Variants in TGIF2 observed in about 807,000 individuals in gnomAD.
The protein encoded by TGIF2 is homeobox protein TGIF2.
A neutral mutation model predicts 15.1 loss-of-function variants in TGIF2; 5 were observed. The observed-to-expected ratio is 0.33, with a 90% CI of 0.17 to 0.70. The LOEUF is 0.70. Among genes scored for constraint, TGIF2 ranks in the 30% least tolerant of loss-of-function variants. The pLI, the probability that TGIF2 is intolerant of heterozygous loss-of-function variation, is 0.67. For synonymous variants in TGIF2, 131 were observed against 128.9 expected, an observed-to-expected ratio of 1.02 and a Z score of -0.11; for missense variants, 264 against 302.5, an observed-to-expected ratio of 0.87 and a Z score of 0.94.
intron 2 of TGIF2, among the ~76,000 whole-genome samples, chr20:36,580,422 C>T (rs2038519473): frequency 6.6e-6 from 1 of 152,166 alleles, no homozygotes; most frequent in African/African-American, 2.4e-5. Context: ...AGGTCACTGC[C>T]TTCTCTGTGA....
At chr20:36,579,903 C>T (rs1600771241) in intron 2 of TGIF2, among the ~76,000 whole-genome samples, 1 of 152,228 alleles carries the variant, frequency 6.6e-6, no homozygotes, top group East Asian at 1.9e-4. Context: ...GTGCAAAGTA[C>T]TGTCCCCTTT....
chr20:36,586,700 C>CT lies in TGIF2; in HGVS notation c.193-4210_193-4209insT, dbSNP rs386393699. ...AAGAAGTGAGACTCCATTTCCCCCC[C>CT]CCCAAAAAAAAAAATCTCCCCTAAG... is the stretch of plus-strand genomic sequence containing the variant. On this transcript the variant is annotated intron_variant, in intron 2 of 2. Coordinates refer to ENST00000373872, the MANE Select transcript of TGIF2 (RefSeq NM_021809.7). Among the ~76,000 whole-genome samples the CT allele has an allele frequency of 6.8e-5, 10 of 146,894 alleles. 1 individual carries two copies. The highest frequency in any genetic ancestry group is 2.7e-4 in the Admixed American group (4 of 14,906).
Position 36,591,558 on chromosome 20 carries a change from GTCTTCAACAGGA to G in TGIF2, c.*128_*139del. 1.8e-6 allele frequency: 2 copies of G among 1,094,082 alleles called. No individual in the cohort carries two copies. The highest frequency in any genetic ancestry group is 2.6e-6 in the Non-Finnish European group (2 of 764,458). The allele number at this position is 1,094,082 out of a possible 1,614,324, so 67.8% of individuals were successfully genotyped here. On this transcript the variant is annotated 3_prime_UTR_variant, in exon 3 of 3. Coordinates refer to ENST00000373872, the MANE Select transcript of TGIF2 (RefSeq NM_021809.7). This position sits in a 1 kb window ranked among gnomAD's most constrained non-coding sequence, Gnocchi z 5.3. ...TTGGGATCATCTCCTCTGTCCAGAGGTCTTCAACAGGAAGATGCCAGCTGGCACCACTGCACT... is the reference window on the plus strand; with the variant it reads ...TTGGGATCATCTCCTCTGTCCAGAGGAGATGCCAGCTGGCACCACTGCACT...
At position 36,587,291 on chromosome 20, in the gene TGIF2, G is replaced by T. The variant is rs77009052; in HGVS notation, c.193-3619G>T. 6.0e-4 allele frequency among the ~76,000 whole-genome samples: 91 copies of T among 152,342 alleles called. No individual in the cohort carries two copies. In the East Asian group the frequency reaches 0.016, roughly 27 times the overall value. On this transcript the variant is annotated intron_variant, in intron 2 of 2. Transcript: ENST00000373872. ...GGACAGGACAGTCTTGTGGGGGAGT[G>T]TGTGGAGGGGTGTTTTTCTGTTCTT... is the stretch of plus-strand genomic sequence containing the variant.
chr20:36,580,986 G>C (rs2038534532), intron 2 of TGIF2, among the ~76,000 whole-genome samples: 1 of 151,992 alleles, frequency 6.6e-6, no homozygotes, highest in Admixed American at 6.6e-5. Flanking sequence ...AAATTGCCAG[G>C]TGTGGTGGTG....
At chr20:36,574,450 G>C (rs917094407) in intron 1 of TGIF2, 3 of 148,970 alleles carry the variant, frequency 2.0e-5, no homozygotes, top group Non-Finnish European at 4.5e-5. Flanking sequence ...GGGGGGGGGG[G>C]GGCGGCGCGG....
rs1173400849 is a variant in TGIF2 at position 36,573,625 on chromosome 20, C to G, written c.-155C>G. On this transcript the variant is annotated 5_prime_UTR_variant, in exon 1 of 3. Coordinates refer to ENST00000373872, the MANE Select transcript of TGIF2 (RefSeq NM_021809.7). ...CCGCGAGGTGCTTTCCAGCCGCGAGCTGTCAGGCCGAGTGTCAGGCCGGGC... is the reference window on the plus strand; with the variant it reads ...CCGCGAGGTGCTTTCCAGCCGCGAGGTGTCAGGCCGAGTGTCAGGCCGGGC... 1 of 151,356 alleles carries G rather than the reference C, an allele frequency of 6.6e-6. No homozygotes were observed. The highest frequency in any genetic ancestry group is 1.5e-5 in the Non-Finnish European group (1 of 67,792). The allele number at this position is 151,356 out of a possible 1,614,324, so 9.4% of individuals were successfully genotyped here.
At chr20:36,583,181 A>G (rs1169526965) in intron 2 of TGIF2, among the ~76,000 whole-genome samples, 1 of 151,998 alleles carries the variant, frequency 6.6e-6, no homozygotes, top group Non-Finnish European at 1.5e-5. Context: ...TCAGGAGGCT[A>G]AGGTACAAGA....
intron 1 of TGIF2, among the ~76,000 whole-genome samples, chr20:36,577,193 TA>T (rs1416423502): frequency 1.3e-5 from 2 of 151,826 alleles, no homozygotes; most frequent in African/African-American, 2.4e-5. Context: ...TATTTTATTT[TA>T]TTTTTTTATT....
chr20:36,590,863 G>A (rs1460362132), intron 2 of TGIF2, 47 bp from the exon 3 acceptor site: 3 of 1,497,896 alleles, frequency 2.0e-6, no homozygotes, highest in East Asian at 4.6e-5. Context: ...CCAGCCCATA[G>A]CTGTTTTAGA....
intron 2 of TGIF2, among the ~76,000 whole-genome samples, chr20:36,583,141 A>G (rs1031453845): frequency 1.3e-5 from 2 of 151,908 alleles, no homozygotes. Flanking sequence ...ATAGCCGGGC[A>G]TGGTGGTACA....
chr20:36,585,973 C>T (rs781126986), intron 2 of TGIF2, among the ~76,000 whole-genome samples: 3 of 152,182 alleles, frequency 2.0e-5, no homozygotes, highest in East Asian at 1.9e-4. Context: ...AAGCCCATAC[C>T]GGGGCAGGGG....
chr20:36,583,958 T>C (rs1409224323), intron 2 of TGIF2, among the ~76,000 whole-genome samples: 4 of 152,102 alleles, frequency 2.6e-5, no homozygotes, highest in Non-Finnish European at 5.9e-5. Flanking sequence ...TCCCAGCTAC[T>C]TAGGAGGCTG....
In TGIF2 at chr20:36,592,060, T is replaced by G. The variant is rs1423887216; in HGVS notation, c.*629T>G. The G allele has an allele frequency of 6.6e-6, 1 of 152,494 alleles. No homozygotes were observed. The highest frequency in any genetic ancestry group is 1.5e-5 in the Non-Finnish European group (1 of 68,042). 9.4% of individuals were successfully genotyped at this position (152,494 alleles called of 1,614,324 possible). On this transcript the variant is annotated 3_prime_UTR_variant, in exon 3 of 3. Coordinates refer to ENST00000373872, the MANE Select transcript of TGIF2 (RefSeq NM_021809.7). The stretch of plus-strand genomic sequence containing the variant: ...CCACCACTGCCACTGAGGATTGTTT[T>G]GGAAGAAAGGAATATTTTTATCTTG...
At chr20:36,582,639 T>TCCA (rs1258108413) in intron 2 of TGIF2, among the ~76,000 whole-genome samples, 1 of 152,124 alleles carries the variant, frequency 6.6e-6, no homozygotes, top group African/African-American at 2.4e-5. Flanking sequence ...AGGTGACACA[T>TCCA]CCACAGGTCC....
chr20:36,588,355 C>CTTT lies in TGIF2; in HGVS notation c.193-2529_193-2527dup, dbSNP rs397802665. Among the ~76,000 whole-genome samples the CTTT allele has an allele frequency of 1.3e-3, 76 of 60,432 alleles. 3 individuals carry two copies. Among genetic ancestry groups the CTTT allele is most frequent in the Middle Eastern group, 0.014 (1 of 70 alleles). The allele number at this position is 60,432 out of a possible 152,430, so 39.6% of individuals were successfully genotyped here. A position where few individuals can be genotyped will look rare whatever the true frequency, so the allele number is the denominator to read the frequency against. ...CCACCTAGCTGTTGAGCCCTTCCTT[C>CTTT]TTTTTTTTTTTTTTTTTTTTTTTTT... On this transcript the variant is annotated intron_variant, in intron 2 of 2. Transcript: ENST00000373872.
intron 2 of TGIF2, among the ~76,000 whole-genome samples, chr20:36,589,859 T>C (rs2038734623): frequency 6.6e-6 from 1 of 152,174 alleles, no homozygotes; most frequent in Non-Finnish European, 1.5e-5. Context: ...CAGCTAATTT[T>C]TGTACTTTTT....
At chr20:36,589,389 C>A in intron 2 of TGIF2, among the ~76,000 whole-genome samples, 1 of 151,010 alleles carries the variant, frequency 6.6e-6, no homozygotes. Flanking sequence ...GAAGCTCTAA[C>A]TTGACTTTTT....
At chr20:36,577,366 AT>A (rs35988271) in intron 1 of TGIF2, among the ~76,000 whole-genome samples, 120,979 of 143,588 alleles carry the variant, frequency 0.84, 50,865 homozygotes, top group Non-Finnish European at 0.86. Context: ...CACCTAGCTA[AT>A]TTTTTTTTTT....
Sources: allele counts gnomAD v4.1 joint callset (sites outside exome capture counted in the v4.1 genomes callset), GRCh38; gene constraint gnomAD v4.1.1; non-coding constraint Gnocchi (gnomAD v3.1); transcripts MANE v1.5; gene names NCBI Gene and HGNC (gene_info 2026-07-23, HGNC 2026-07-21).